Variants in MEF2C observed in about 807,000 individuals in gnomAD.
MEF2C encodes the protein myocyte enhancer factor 2C, also known as myocyte-specific enhancer factor 2C.
A neutral mutation model predicts 50.5 loss-of-function variants in MEF2C; 6 were observed. The ratio of observed to expected loss-of-function variants is 0.12; its 90% CI spans 0.07 to 0.23. MEF2C has a LOEUF of 0.23. Ranked by LOEUF, MEF2C falls within the 10% of genes least tolerant of loss-of-function variation. MEF2C has a pLI of 1.00. For missense variants in MEF2C, 276 were observed against 605.0 expected, an observed-to-expected ratio of 0.46 and a Z score of 5.70; for synonymous variants, 183 against 228.0, an observed-to-expected ratio of 0.80 and a Z score of 1.78.
chr5:88,798,851 T>C (rs1204465262), intron 3 of MEF2C, among the ~76,000 whole-genome samples: 1 of 152,228 alleles, frequency 6.6e-6, no homozygotes, highest in Non-Finnish European at 1.5e-5. Context: ...TTGTTGATGT[T>C]GATGCTATTC....
chr5:88,738,156 C>T (rs1447126140), intron 6 of MEF2C: 1 of 985,202 alleles, frequency 1.0e-6, no homozygotes, highest in Non-Finnish European at 1.2e-6. Context: ...CTCAACCCTA[C>T]AGAGCCTTAG....
chr5:88,831,419 AT>A (rs1812973114), intron 1 of MEF2C, among the ~76,000 whole-genome samples: 1 of 151,330 alleles, frequency 6.6e-6, no homozygotes, highest in Non-Finnish European at 1.5e-5. Flanking sequence ...TTCAAATATT[AT>A]GTTAAATGAT....
chr5:88,771,633 G>A (rs1782461219), intron 3 of MEF2C: 1 of 984,296 alleles, frequency 1.0e-6, no homozygotes, highest in East Asian at 1.1e-4. Flanking sequence ...ACTCAACCAA[G>A]ATTCTCAGTT....
At chr5:88,777,721 C>T (rs571972837) in intron 3 of MEF2C, among the ~76,000 whole-genome samples, 47 of 152,038 alleles carry the variant, frequency 3.1e-4, no homozygotes, top group African/African-American at 1.1e-3. Context: ...AATGTTTTTC[C>T]TACTATTTTG....
At chr5:88,845,275 A>G (rs545915236) in intron 1 of MEF2C, among the ~76,000 whole-genome samples, 22 of 152,354 alleles carry the variant, frequency 1.4e-4, no homozygotes, top group African/African-American at 4.3e-4. Context: ...AAGACCCCAG[A>G]AACAATTCAG....
intron 3 of MEF2C, among the ~76,000 whole-genome samples, chr5:88,803,929 A>G (rs965570037): frequency 6.6e-6 from 1 of 152,242 alleles, no homozygotes; most frequent in Non-Finnish European, 1.5e-5. Context: ...TGGGCACAAT[A>G]AAACAATTTT....
chr5:88,809,652 G>GT (rs879875903), intron 2 of MEF2C, among the ~76,000 whole-genome samples: 37 of 150,882 alleles, frequency 2.5e-4, no homozygotes, highest in Admixed American at 1.6e-3. Flanking sequence ...GGTGAATTCA[G>GT]TTTTTTTTTC....
intron 3 of MEF2C, among the ~76,000 whole-genome samples, chr5:88,804,157 T>A (rs1799425042): frequency 6.6e-6 from 1 of 152,080 alleles, no homozygotes; most frequent in African/African-American, 2.4e-5. Flanking sequence ...AAACTGAAAG[T>A]GTAAGGTTGG....
At chr5:88,847,548 G>T (rs1177884090) in intron 1 of MEF2C, among the ~76,000 whole-genome samples, 1 of 152,142 alleles carries the variant, frequency 6.6e-6, no homozygotes, top group Non-Finnish European at 1.5e-5. Flanking sequence ...AAGACATGAA[G>T]AAGCACTTCC....
chr5:88,743,381 A>G, intron 6 of MEF2C: 1 of 985,424 alleles, frequency 1.0e-6, no homozygotes, highest in Non-Finnish European at 1.2e-6. Context: ...AAGTCAGCCA[A>G]GAAATTTTTG....
intron 3 of MEF2C, among the ~76,000 whole-genome samples, chr5:88,766,240 G>A (rs547821120): frequency 6.6e-6 from 1 of 152,180 alleles, no homozygotes; most frequent in African/African-American, 2.4e-5. Context: ...TTCATTAGGG[G>A]AACAGATTCT....
intron 3 of MEF2C, chr5:88,772,475 G>C (rs529443104): frequency 6.5e-6 from 1 of 154,324 alleles, no homozygotes; most frequent in Admixed American, 6.5e-5. Flanking sequence ...TCCTGATGGG[G>C]AACATTCTCT....
intron 4 of MEF2C, among the ~76,000 whole-genome samples, chr5:88,754,444 C>A (rs997617758): frequency 1.3e-5 from 2 of 152,216 alleles, no homozygotes; most frequent in African/African-American, 2.4e-5. Flanking sequence ...GTCCTTTTAA[C>A]AAACTGTCTT....
chr5:88,742,444 A>G, intron 6 of MEF2C: 2 of 980,862 alleles, frequency 2.0e-6, no homozygotes, highest in Non-Finnish European at 2.4e-6. Flanking sequence ...CCTTCACACT[A>G]TTAGGTTAAA....
intron 3 of MEF2C, among the ~76,000 whole-genome samples, chr5:88,799,760 C>T (rs1797495050): frequency 6.6e-6 from 1 of 152,002 alleles, no homozygotes. Flanking sequence ...ATTCAGGTGA[C>T]AGCAAATAAA....
chr5:88,875,142 G>C (rs1459039211), intron 1 of MEF2C, among the ~76,000 whole-genome samples: 1 of 151,960 alleles, frequency 6.6e-6, no homozygotes, highest in Non-Finnish European at 1.5e-5. Context: ...CAAGCTTTTA[G>C]ACTATAGTTT....
chr5:88,892,641 C>G (rs1456040742), intron 1 of MEF2C, among the ~76,000 whole-genome samples: 1 of 152,166 alleles, frequency 6.6e-6, no homozygotes. Context: ...ATTTCCCTTT[C>G]ACTGACATCA....
intron 4 of MEF2C, among the ~76,000 whole-genome samples, chr5:88,759,590 C>A (rs556388672): frequency 1.3e-5 from 2 of 151,950 alleles, no homozygotes; most frequent in East Asian, 3.9e-4. Context: ...TTTAATAATT[C>A]TGGACATAAC....
At chr5:88,820,622 C>T (rs1807847837) in intron 2 of MEF2C, among the ~76,000 whole-genome samples, 1 of 151,992 alleles carries the variant, frequency 6.6e-6, no homozygotes, top group Non-Finnish European at 1.5e-5. Flanking sequence ...TCTTTGACAA[C>T]TTTTAAGAAA....
Sources: allele counts gnomAD v4.1 joint callset (sites outside exome capture counted in the v4.1 genomes callset), GRCh38; gene constraint gnomAD v4.1.1; transcripts MANE v1.5; gene names NCBI Gene and HGNC (gene_info 2026-07-23, HGNC 2026-07-21).